Variants in CNBD1 observed in about 807,000 individuals in gnomAD.
CNBD1 encodes the protein cyclic nucleotide binding domain containing 1.
CNBD1 carries 71 observed loss-of-function variants against 54.4 expected under a neutral mutation model. The ratio of observed to expected loss-of-function variants is 1.30; its 90% CI spans 1.08 to 1.59. The LOEUF (loss-of-function observed/expected upper bound fraction) is 1.59. CNBD1 is among the 40% of genes most tolerant of loss of function. The pLI, the probability that CNBD1 is intolerant of heterozygous loss-of-function variation, is 0.00. For synonymous variants in CNBD1, 182 were observed against 170.7 expected, an observed-to-expected ratio of 1.07 and a Z score of -0.51; for missense variants, 659 against 518.0, an observed-to-expected ratio of 1.27 and a Z score of -2.64.
chr8:87,380,452 A>T (rs1563578797), intron 10 of CNBD1, among the ~76,000 whole-genome samples: 1 of 151,968 alleles, frequency 6.6e-6, no homozygotes, highest in Non-Finnish European at 1.5e-5. Flanking sequence ...AGGTGGTGTG[A>T]TGTCTCCAAC....
At chr8:87,196,550 GA>G (rs1446624198) in intron 4 of CNBD1, among the ~76,000 whole-genome samples, 1 of 152,198 alleles carries the variant, frequency 6.6e-6, no homozygotes, top group African/African-American at 2.4e-5. Flanking sequence ...GCCTGAGAGT[GA>G]AAAGTCAACA....
intron 10 of CNBD1, among the ~76,000 whole-genome samples, chr8:87,363,206 A>T (rs972671365): frequency 1.1e-4 from 16 of 152,170 alleles, no homozygotes; most frequent in Non-Finnish European, 1.5e-5. Flanking sequence ...ATGGCCACAT[A>T]GTATTCCATG....
At chr8:87,057,494 C>A (rs1348280545) in intron 4 of CNBD1, among the ~76,000 whole-genome samples, 1 of 152,170 alleles carries the variant, frequency 6.6e-6, no homozygotes, top group Non-Finnish European at 1.5e-5. Context: ...TCAGTGGGGA[C>A]ACAGCCAAAC....
intron 2 of CNBD1, among the ~76,000 whole-genome samples, chr8:87,414,640 A>C (rs1250401390): frequency 1.3e-5 from 2 of 152,024 alleles, no homozygotes; most frequent in East Asian, 3.9e-4. Context: ...TATAATAACA[A>C]TATATCTTCT....
chr8:87,370,642 A>G (rs1302755006), intron 10 of CNBD1, among the ~76,000 whole-genome samples: 2 of 151,544 alleles, frequency 1.3e-5, no homozygotes, highest in Non-Finnish European at 2.9e-5. Context: ...TTGTCAGATG[A>G]GTAGGTTGCA....
intron 4 of CNBD1, among the ~76,000 whole-genome samples, chr8:87,008,604 T>C (rs1809151634): frequency 1.3e-5 from 2 of 152,208 alleles, no homozygotes; most frequent in South Asian, 4.1e-4. Context: ...TGAAAGGTTT[T>C]GCTACAGCTA....
At chr8:87,046,628 G>A (rs1405179169) in intron 4 of CNBD1, among the ~76,000 whole-genome samples, 1 of 152,170 alleles carries the variant, frequency 6.6e-6, no homozygotes, top group Admixed American at 6.5e-5. Context: ...GATGCAGCTA[G>A]TCTTTGCATC....
At chr8:86,976,234 T>G (rs1808340100) in intron 4 of CNBD1, among the ~76,000 whole-genome samples, 1 of 147,338 alleles carries the variant, frequency 6.8e-6, no homozygotes. Context: ...TTTAGTTTGA[T>G]GCAAGCTCAT....
intron 4 of CNBD1, among the ~76,000 whole-genome samples, chr8:87,046,552 C>G (rs1027198415): frequency 3.9e-5 from 6 of 152,080 alleles, no homozygotes; most frequent in African/African-American, 1.4e-4. Context: ...TAGGTGTAAC[C>G]AGGAACCACA....
chr8:87,314,460 A>G (rs1212074038), intron 8 of CNBD1, among the ~76,000 whole-genome samples: 2 of 151,930 alleles, frequency 1.3e-5, no homozygotes, highest in Non-Finnish European at 2.9e-5. Flanking sequence ...ATAGATGAAA[A>G]CTTTCATGAT....
intron 2 of CNBD1, among the ~76,000 whole-genome samples, chr8:87,399,079 G>A (rs183963267): frequency 9.2e-5 from 14 of 152,080 alleles, no homozygotes; most frequent in Admixed American, 2.0e-4. Flanking sequence ...TTCATTTATT[G>A]ATTTCATTAT....
Position 86,997,588 on chromosome 8 carries a change from G to C in CNBD1, c.431+57834G>C, listed in dbSNP as rs113273764. Among the ~76,000 whole-genome samples the C allele has an allele frequency of 2.9e-3, 437 of 152,124 alleles. 1 individual carries two copies. Among genetic ancestry groups the C allele is most frequent in the African/African-American group, 9.9e-3 (410 of 41,500 alleles). Reference sequence around the variant, plus strand: ...TGTTTACCTACTGGACATGAAATAGGGCCTGTAAAAGTGGGGCACATTCAC... The same window carrying C: ...TGTTTACCTACTGGACATGAAATAGCGCCTGTAAAAGTGGGGCACATTCAC... On this transcript the variant is annotated intron_variant, in intron 4 of 10. Transcript: ENST00000518476.
At chr8:87,335,864 A>G (rs1809935803) in intron 8 of CNBD1, among the ~76,000 whole-genome samples, 1 of 152,086 alleles carries the variant, frequency 6.6e-6, no homozygotes, top group Admixed American at 6.6e-5. Context: ...TTCCATATTT[A>G]GTGCTTCCTT....
intron 2 of CNBD1, among the ~76,000 whole-genome samples, chr8:87,427,843 T>G (rs1808075565): frequency 6.6e-6 from 1 of 152,164 alleles, no homozygotes; most frequent in South Asian, 2.1e-4. Flanking sequence ...TGCTGCTGCA[T>G]GCTTTATAAT....
intron 4 of CNBD1, among the ~76,000 whole-genome samples, chr8:87,141,029 A>T (rs1248998454): frequency 6.6e-6 from 1 of 152,196 alleles, no homozygotes; most frequent in African/African-American, 2.4e-5. Context: ...ACTTCTGAAC[A>T]TTAATAAAAT....
chr8:87,307,756 A>G (rs1809186578), intron 8 of CNBD1, among the ~76,000 whole-genome samples: 1 of 148,844 alleles, frequency 6.7e-6, no homozygotes, highest in Admixed American at 6.7e-5. Context: ...AATTATATAT[A>G]TATATATATA....
chr8:87,267,013 C>T (rs1170171037), intron 6 of CNBD1, among the ~76,000 whole-genome samples: 2 of 151,718 alleles, frequency 1.3e-5, no homozygotes, highest in Non-Finnish European at 2.9e-5. Context: ...TATATTGATA[C>T]CTGTTTAAAA....
At chr8:87,322,839 T>C (rs1809567709) in intron 8 of CNBD1, among the ~76,000 whole-genome samples, 1 of 114,132 alleles carries the variant, frequency 8.8e-6, no homozygotes, top group Non-Finnish European at 1.9e-5. Context: ...TTGTCTTTTG[T>C]TGCCATTGCT....
At chr8:87,402,001 A>T (rs1807574746) in intron 2 of CNBD1, among the ~76,000 whole-genome samples, 1 of 152,030 alleles carries the variant, frequency 6.6e-6, no homozygotes, top group African/African-American at 2.4e-5. Context: ...GAAATATCCA[A>T]GACCTGGTAA....
Sources: allele counts gnomAD v4.1 joint callset (sites outside exome capture counted in the v4.1 genomes callset), GRCh38; gene constraint gnomAD v4.1.1; transcripts MANE v1.5; gene names NCBI Gene and HGNC (gene_info 2026-07-23, HGNC 2026-07-21).